CELF5: variants seen among roughly 807,000 people sequenced by gnomAD.
The protein encoded by CELF5 is CUG-BP and ETR-3 like factor 5.
In CELF5, 6 loss-of-function variants were observed where a neutral mutation model predicts 54.9. That is an observed-to-expected ratio of 0.11 (90% CI 0.06 to 0.22). CELF5 has a LOEUF of 0.22. Among genes scored for constraint, CELF5 ranks in the 10% least tolerant of loss-of-function variants. The probability of loss-of-function intolerance (pLI) is 1.00; values close to 1 mark genes in which losing one functional copy is unlikely to be tolerated. For missense variants in CELF5, 401 were observed against 678.6 expected, an observed-to-expected ratio of 0.59 and a Z score of 4.54; for synonymous variants, 271 against 290.9, an observed-to-expected ratio of 0.93 and a Z score of 0.70.
At chr19:3,266,984 G>C (rs1311520706) in intron 2 of CELF5, among the ~76,000 whole-genome samples, 1 of 152,148 alleles carries the variant, frequency 6.6e-6, no homozygotes, top group Non-Finnish European at 1.5e-5. Context: ...CCTGGGAGTC[G>C]GGGAGGAGCT....
intron 2 of CELF5, among the ~76,000 whole-genome samples, chr19:3,270,829 TG>T (rs2079950311): frequency 6.7e-6 from 1 of 149,622 alleles, no homozygotes; most frequent in Admixed American, 6.6e-5. Context: ...GACCCAGCGG[TG>T]GGGGGAAGGG....
At chr19:3,250,879 G>GGAAT in intron 1 of CELF5, 106 bp from the exon 2 acceptor site, 1 of 596,382 alleles carries the variant, frequency 1.7e-6, no homozygotes, top group South Asian at 2.6e-5. Context: ...ATGCATCTGT[G>GGAAT]GATGGAAGCT....
At chr19:3,284,130 G>A (rs1488916905) in intron 8 of CELF5, among the ~76,000 whole-genome samples, 1 of 102,522 alleles carries the variant, frequency 9.8e-6, no homozygotes, top group Non-Finnish European at 2.6e-5. Flanking sequence ...TCACAAGTGT[G>A]AGCCACCACA....
intron 2 of CELF5, among the ~76,000 whole-genome samples, chr19:3,259,468 T>C (rs1293167224): frequency 1.3e-5 from 2 of 150,206 alleles, no homozygotes; most frequent in East Asian, 4.0e-4. Context: ...CTGTGTTCAT[T>C]ACTTTGGGGA....
intron 1 of CELF5, among the ~76,000 whole-genome samples, chr19:3,238,519 G>A (rs1030834212): frequency 3.3e-5 from 5 of 152,160 alleles, no homozygotes; most frequent in African/African-American, 1.2e-4. Flanking sequence ...TTCTCCAAGG[G>A]GAGGGTCCTT....
chr19:3,290,099 T>C, intron 10 of CELF5, 132 bp from the exon 11 acceptor site: 3 of 657,204 alleles, frequency 4.6e-6, no homozygotes, highest in African/African-American at 1.8e-5. Flanking sequence ...GCCCCTTCTT[T>C]CTGGGTGTCT....
chr19:3,233,280 C>G (rs1176017648), intron 1 of CELF5, among the ~76,000 whole-genome samples: 1 of 152,032 alleles, frequency 6.6e-6, no homozygotes, highest in Non-Finnish European at 1.5e-5. Context: ...AGATCTAAAC[C>G]CTGTCTCAAA....
At chr19:3,276,997 A>G (rs564046602) in intron 4 of CELF5, among the ~76,000 whole-genome samples, 2 of 152,246 alleles carry the variant, frequency 1.3e-5, no homozygotes, top group African/African-American at 4.8e-5. Flanking sequence ...ATTTGTCCAT[A>G]TGACTGACTG....
At chr19:3,249,512 C>T (rs571993237) in intron 1 of CELF5, among the ~76,000 whole-genome samples, 25 of 151,370 alleles carry the variant, frequency 1.7e-4, no homozygotes, top group Non-Finnish European at 2.7e-4. Flanking sequence ...TCCCACCCTC[C>T]GATCCCTAAT....
At chr19:3,252,267 T>G (rs2079661701) in intron 2 of CELF5, among the ~76,000 whole-genome samples, 1 of 151,918 alleles carries the variant, frequency 6.6e-6, no homozygotes, top group East Asian at 1.9e-4. Context: ...AACTCCTGGC[T>G]CAAGCGTTCC....
At chr19:3,244,239 CTG>C (rs1568334572) in intron 1 of CELF5, among the ~76,000 whole-genome samples, 2 of 151,986 alleles carry the variant, frequency 1.3e-5, no homozygotes, top group East Asian at 1.9e-4. Context: ...GAGCATGCGT[CTG>C]TGTGTGGCGT....
chr19:3,256,457 T>A (rs2079727429), intron 2 of CELF5, among the ~76,000 whole-genome samples: 1 of 151,898 alleles, frequency 6.6e-6, no homozygotes, highest in African/African-American at 2.4e-5. Context: ...AAACAGAAAA[T>A]AAGCAAGCCA....
intron 1 of CELF5, among the ~76,000 whole-genome samples, chr19:3,246,984 A>G (rs2079575791): frequency 6.6e-6 from 1 of 152,200 alleles, no homozygotes; most frequent in Admixed American, 6.5e-5. Flanking sequence ...GAAGCACTCA[A>G]TCACATTGAT....
At chr19:3,252,160 C>G (rs2079660139) in intron 2 of CELF5, among the ~76,000 whole-genome samples, 1 of 152,160 alleles carries the variant, frequency 6.6e-6, no homozygotes, top group African/African-American at 2.4e-5. Context: ...CCTCGGCCTC[C>G]TGAGTAGCTG....
At chr19:3,270,308 G>A (rs2079939653) in intron 2 of CELF5, among the ~76,000 whole-genome samples, 1 of 152,304 alleles carries the variant, frequency 6.6e-6, no homozygotes, top group South Asian at 2.1e-4. Flanking sequence ...GGAAGGGAAG[G>A]GTCAGGGAAG....
chr19:3,293,049 C>T (rs1025094163), intron 11 of CELF5, among the ~76,000 whole-genome samples: 8 of 152,128 alleles, frequency 5.3e-5, no homozygotes, highest in African/African-American at 1.4e-4. Flanking sequence ...CTCGGAAGCC[C>T]CACCTGGCCC....
intron 1 of CELF5, among the ~76,000 whole-genome samples, chr19:3,226,605 C>T (rs1179087650): frequency 1.3e-5 from 2 of 152,148 alleles, no homozygotes; most frequent in South Asian, 2.1e-4. Context: ...GCCCCCACCC[C>T]TGGGTACACC....
chr19:3,290,979 A>G (rs1022708836), intron 11 of CELF5, among the ~76,000 whole-genome samples: 28 of 151,884 alleles, frequency 1.8e-4, no homozygotes, highest in Middle Eastern at 3.4e-3. Context: ...CTTTTTAATT[A>G]GCTGAGCTTA....
At chr19:3,235,833 G>A (rs1029423586) in intron 1 of CELF5, among the ~76,000 whole-genome samples, 2 of 151,530 alleles carry the variant, frequency 1.3e-5, no homozygotes, top group African/African-American at 4.9e-5. Flanking sequence ...TGGATGGATG[G>A]ATGGATGAAT....
Sources: allele counts gnomAD v4.1 joint callset (sites outside exome capture counted in the v4.1 genomes callset), GRCh38; gene constraint gnomAD v4.1.1; transcripts MANE v1.5; gene names NCBI Gene and HGNC (gene_info 2026-07-23, HGNC 2026-07-21).